The following BTG4 variants were observed in gnomAD, a reference collection of about 807,000 sequenced individuals.
The protein encoded by BTG4 is BTG anti-proliferation factor 4.
Under a neutral mutation model 19.3 loss-of-function variants are expected in BTG4, and 10 were observed. The ratio of observed to expected loss-of-function variants is 0.52; its 90% CI spans 0.32 to 0.88. The LOEUF is 0.88. BTG4 is among the 40% of genes least tolerant of loss of function. The pLI, the probability that BTG4 is intolerant of heterozygous loss-of-function variation, is 0.04. For synonymous variants in BTG4, 91 were observed against 95.7 expected (o/e 0.95, Z 0.29); for missense variants, 238 against 281.9 (o/e 0.84, Z 1.11).
chr11:111,454,713 A>G, the BTG4 span, among the ~76,000 whole-genome samples: 2 of 152,138 alleles, frequency 1.3e-5, no homozygotes, highest in Non-Finnish European at 2.9e-5. Flanking sequence ...AGAATACATT[A>G]GAAGTCCAAG....
intron 1 of BTG4, among the ~76,000 whole-genome samples, chr11:111,503,565 G>A (rs1051095692): frequency 1.3e-5 from 2 of 151,594 alleles, no homozygotes; most frequent in Non-Finnish European, 3.0e-5. Flanking sequence ...CCATAGTAGA[G>A]CAACAGGATG....
chr11:111,501,706 T>A (rs73013171), intron 1 of BTG4, among the ~76,000 whole-genome samples: 1 of 152,194 alleles, frequency 6.6e-6, no homozygotes, highest in Non-Finnish European at 1.5e-5. Context: ...ATGTTTGAGG[T>A]AATGGATATC....
chr11:111,503,246 G>T (rs1009005858), intron 1 of BTG4, among the ~76,000 whole-genome samples: 1 of 152,200 alleles, frequency 6.6e-6, no homozygotes, highest in Non-Finnish European at 1.5e-5. Context: ...AAAGAATGAA[G>T]TTCAGTGGAA....
At chr11:111,405,983 A>T in the BTG4 span, among the ~76,000 whole-genome samples, 2 of 152,252 alleles carry the variant, frequency 1.3e-5, no homozygotes, top group Non-Finnish European at 2.9e-5. Flanking sequence ...TTATTACAGC[A>T]TTCTGCAGAT....
the BTG4 span, among the ~76,000 whole-genome samples, chr11:111,435,419 C>A: frequency 6.6e-6 from 1 of 152,184 alleles, no homozygotes; most frequent in African/African-American, 2.4e-5. Context: ...GGAGGCTGCA[C>A]CCTGCCCTGG....
At position 111,498,024 on chromosome 11, in the gene BTG4, C is replaced by A. The variant is rs1278468610; in HGVS notation, c.285G>T (p.Trp95Cys). Reference protein sequence around the residue: ...HLGLPKEMTIWVDPFEVCCRY... With the variant: ...HLGLPKEMTICVDPFEVCCRY... ...TACAGCATACTTCAAAGGGATCTACCCATATGGTCATCTCCTTCGGAAGTC... is the reference window on the plus strand; with the variant it reads ...TACAGCATACTTCAAAGGGATCTACACATATGGTCATCTCCTTCGGAAGTC... Residue 95 changes from tryptophan to cysteine, a missense_variant, in exon 3 of 5, where the codon TGG (tryptophan) becomes TGT (cysteine). Coordinates refer to ENST00000692032, the MANE Select transcript of BTG4 (RefSeq NM_001367975.1). The A allele has an allele frequency of 6.2e-7, 1 of 1,614,036 alleles. No individual in the cohort carries two copies. Among genetic ancestry groups the A allele is most frequent in the East Asian group, 2.2e-5 (1 of 44,882 alleles).
intron 5 of BTG4, among the ~76,000 whole-genome samples, chr11:111,479,685 G>C (rs1864615015): frequency 6.6e-6 from 1 of 152,074 alleles, no homozygotes; most frequent in South Asian, 2.1e-4. Context: ...TATATGTAGA[G>C]GAAATATTTA....
upstream of BTG4, chr11:111,512,933 G>C (rs764918487): frequency 4.5e-6 from 2 of 446,590 alleles, no homozygotes; most frequent in South Asian, 1.7e-5. Flanking sequence ...AGCCGCGGGT[G>C]CCCGGTGCTC....
chr11:111,496,241 C>A (rs887749528), intron 4 of BTG4, among the ~76,000 whole-genome samples: 2 of 152,062 alleles, frequency 1.3e-5, no homozygotes, highest in African/African-American at 4.8e-5. Context: ...ATAGCCAATT[C>A]TAGAAAAAAA....
chr11:111,398,247 G>A, the BTG4 span, among the ~76,000 whole-genome samples: 235 of 152,284 alleles, frequency 1.5e-3, no homozygotes, highest in African/African-American at 5.3e-3. Context: ...TTCACAGAGC[G>A]GCCAACCATT....
chr11:111,465,327 T>A (rs1863657837), downstream of BTG4, among the ~76,000 whole-genome samples: 1 of 152,056 alleles, frequency 6.6e-6, no homozygotes, highest in Non-Finnish European at 1.5e-5. Flanking sequence ...TACCTCCAAC[T>A]CCAACCTGCT....
chr11:111,426,292 G>A, the BTG4 span, among the ~76,000 whole-genome samples: 1 of 151,926 alleles, frequency 6.6e-6, no homozygotes, highest in Non-Finnish European at 1.5e-5. Flanking sequence ...AAATGGAAAG[G>A]AGGACTGGAT....
chr11:111,437,722 C>A, the BTG4 span, among the ~76,000 whole-genome samples: 1 of 152,154 alleles, frequency 6.6e-6, no homozygotes, highest in Non-Finnish European at 1.5e-5. Context: ...CAGGAGCAGG[C>A]TCTTCCCTCC....
rs1247407949 is a variant in BTG4, at chr11:111,512,339, T to C, written c.-185A>G. 6.6e-6 allele frequency: 1 copy of C among 152,218 alleles called. No homozygotes were observed. The highest frequency in any genetic ancestry group is 2.4e-5 in the African/African-American group (1 of 41,450). The allele number at this position is 152,218 out of a possible 1,614,324, so 9.4% of individuals were successfully genotyped here. Reference sequence around the variant, plus strand: ...GGCCTCCATCTTCTAGGCGTCTCCCTTGGAGGCCCTTCAGGGACCGCCCAC... The same window carrying C: ...GGCCTCCATCTTCTAGGCGTCTCCCCTGGAGGCCCTTCAGGGACCGCCCAC... On this transcript the variant is annotated 5_prime_UTR_variant, in exon 1 of 5. Transcript: ENST00000692032.
chr11:111,447,291 C>A, the BTG4 span, among the ~76,000 whole-genome samples: 1 of 152,228 alleles, frequency 6.6e-6, no homozygotes, highest in Non-Finnish European at 1.5e-5. Context: ...GAGCACTTGA[C>A]TGGTTGCCTG....
intron 1 of BTG4, among the ~76,000 whole-genome samples, chr11:111,510,637 CTT>C (rs113662105): frequency 6.9e-6 from 1 of 144,210 alleles, no homozygotes. Context: ...AACAAGCATT[CTT>C]TTTTTTTTTT....
intron 1 of BTG4, among the ~76,000 whole-genome samples, chr11:111,511,752 C>T (rs527319972): frequency 1.3e-5 from 2 of 152,220 alleles, no homozygotes; most frequent in Admixed American, 1.3e-4. Flanking sequence ...TTCTGGCATC[C>T]ACAGCCCTAA....
At chr11:111,513,102 G>A (rs935409365), upstream of BTG4, 37 of 428,192 alleles carry the variant, frequency 8.6e-5, no homozygotes, top group African/African-American at 6.9e-4. Flanking sequence ...TGAGAAGCGC[G>A]GCGTCGGCGT....
the BTG4 span, among the ~76,000 whole-genome samples, chr11:111,441,105 GCT>G: frequency 4.4e-5 from 6 of 136,670 alleles, no homozygotes; most frequent in East Asian, 2.3e-4. Flanking sequence ...GCCAGAGACC[GCT>G]CTCTTTTCTT....
Sources: gnomAD v4.1 joint callset for allele counts (sites outside exome capture counted in the v4.1 genomes callset) on GRCh38, gnomAD v4.1.1 for gene constraint, MANE v1.5 for transcripts, NCBI Gene and HGNC (gene_info 2026-07-23, HGNC 2026-07-21) for gene names.